The following FSTL1 variants were observed in gnomAD, a reference collection of about 807,000 sequenced individuals.
The protein encoded by FSTL1 is follistatin-related protein 1.
A neutral mutation model predicts 45.9 loss-of-function variants in FSTL1; 24 were observed. The ratio of observed to expected loss-of-function variants is 0.52; its 90% CI spans 0.38 to 0.74. The LOEUF (loss-of-function observed/expected upper bound fraction) is 0.74, where lower values mean the gene tolerates loss of function less well. Ranked by LOEUF, FSTL1 falls within the 30% of genes least tolerant of loss-of-function variation. The pLI is 0.00. For synonymous variants in FSTL1, 120 were observed against 137.6 expected, an observed-to-expected ratio of 0.87 and a Z score of 0.89; for missense variants, 340 against 381.8, an observed-to-expected ratio of 0.89 and a Z score of 0.91.
Position 120,450,721 on chromosome 3 carries a change from G to T in FSTL1, c.26C>A (p.Ala9Glu). 1 of 1,527,662 alleles carries T rather than the reference G, an allele frequency of 6.5e-7. No homozygotes were observed. Among genetic ancestry groups the T allele is most frequent in the South Asian group, 1.2e-5 (1 of 85,720 alleles). 94.6% of individuals were successfully genotyped at this position (1,527,662 alleles called of 1,614,324 possible). A position where few individuals can be genotyped will look rare whatever the true frequency, so the allele number is the denominator to read the frequency against. The change falls in exon 2 of 11, where the codon GCG (alanine) becomes GAG (glutamate). Residue 9 changes from alanine to glutamate, a missense_variant. Transcript: ENST00000295633. ...CCAGGCGACCGCCACCAGCGCGAGC[G>T]CGAGCGCGAGCCAGCGTTTCCACAT... MWKRWLAL[A>E]LALVAVAWVR... is the part of the protein sequence containing the mutation.
At chr3:120,415,869 A>C in intron 3 of FSTL1, 54 bp downstream of exon 3, 1 of 990,336 alleles carries the variant, frequency 1.0e-6, no homozygotes, top group Non-Finnish European at 1.6e-6. Context: ...TGGCTCCGCA[A>C]GGTACCACAT....
intron 2 of FSTL1, among the ~76,000 whole-genome samples, chr3:120,430,883 G>A (rs1286293914): frequency 4.6e-5 from 7 of 152,342 alleles, no homozygotes; most frequent in East Asian, 3.9e-4. Flanking sequence ...TCAAGACAAT[G>A]TGTGGCTATG....
rs772012802 is a variant in FSTL1, at chr3:120,450,764, G to T, written c.1-18C>A. 2 of 1,563,312 alleles carry T rather than the reference G, an allele frequency of 1.3e-6. No homozygotes were observed. The highest frequency in any genetic ancestry group is 2.5e-5 in the East Asian group (1 of 40,392). Reference sequence around the variant, plus strand: ...TTCCACATCTGCGGAAGAGAGAAGAGAGCGAGTCTGAAGGCGCCGGGCCCC... The same window carrying T: ...TTCCACATCTGCGGAAGAGAGAAGATAGCGAGTCTGAAGGCGCCGGGCCCC... On this transcript the variant is annotated intron_variant, in intron 1 of 10. Transcript: ENST00000295633.
At chr3:120,416,156 G>C (rs1937184270) in intron 2 of FSTL1, 129 bp from the exon 3 acceptor site, 1 of 718,568 alleles carries the variant, frequency 1.4e-6, no homozygotes, top group African/African-American at 1.7e-5. Context: ...TAAACAGCTA[G>C]ATGTTGGGTC....
chr3:120,447,059 T>C (rs1469167111), intron 2 of FSTL1, among the ~76,000 whole-genome samples: 1 of 152,188 alleles, frequency 6.6e-6, no homozygotes, highest in African/African-American at 2.4e-5. Flanking sequence ...GCTTGGGTAC[T>C]TGCCAGGGCT....
chr3:120,446,119 G>A (rs1354255392), intron 2 of FSTL1, among the ~76,000 whole-genome samples: 1 of 152,200 alleles, frequency 6.6e-6, no homozygotes, highest in Admixed American at 6.5e-5. Flanking sequence ...CAGATGTCCA[G>A]TTATTTGAAG....
At position 120,417,702 on chromosome 3, in the gene FSTL1, G is replaced by T. The variant is rs535607425; in HGVS notation, c.64-1675C>A. Among the ~76,000 whole-genome samples, 22 of 152,272 alleles carry T rather than the reference G, an allele frequency of 1.4e-4. 1 individual carries two copies. The highest frequency in any genetic ancestry group is 4.6e-4 in the Admixed American group (7 of 15,286). On this transcript the variant is annotated intron_variant, in intron 2 of 10. Coordinates refer to ENST00000295633, the MANE Select transcript of FSTL1 (RefSeq NM_007085.5). ...GCAACACGAAAAAGGAAGAGGAAAA[G>T]GTTTTTGCTGACGAGTTGTTCCCAT...
chr3:120,440,125 A>G (rs1414317565), intron 2 of FSTL1, among the ~76,000 whole-genome samples: 1 of 152,148 alleles, frequency 6.6e-6, no homozygotes, highest in African/African-American at 2.4e-5. Context: ...AAAACAAAAC[A>G]AAACAACTGG....
rs1052786046 is a variant in FSTL1, at chr3:120,432,064, C to T, written c.64-16037G>A. ...AACAATGACAAAAGGGCTAATTAAGCTGTACATATTTGGAGCCTTCTCTTA... is the reference window on the plus strand; with the variant it reads ...AACAATGACAAAAGGGCTAATTAAGTTGTACATATTTGGAGCCTTCTCTTA... On this transcript the variant is annotated intron_variant, in intron 2 of 10. Transcript: ENST00000295633. Among the ~76,000 whole-genome samples the T allele has an allele frequency of 7.9e-5, 12 of 152,290 alleles. No homozygotes were observed. In the South Asian group the frequency reaches 1.7e-3, roughly 21 times the overall value.
chr3:120,394,592 G>A lies in FSTL1; in HGVS notation c.*2360C>T, dbSNP rs1936659317. On this transcript the variant is annotated 3_prime_UTR_variant, in exon 11 of 11. Transcript: ENST00000295633. Reference sequence around the variant, plus strand: ...ACACTGGATCTTAACAGATGCTATAGTGTTTACAAAACTACACACACAGAG... The same window carrying A: ...ACACTGGATCTTAACAGATGCTATAATGTTTACAAAACTACACACACAGAG... The A allele has an allele frequency of 6.6e-6, 1 of 152,202 alleles. No homozygotes were observed. Among genetic ancestry groups the A allele is most frequent in the African/African-American group, 2.4e-5 (1 of 41,452 alleles). The allele number at this position is 152,202 out of a possible 1,614,324, so 9.4% of individuals were successfully genotyped here.
At chr3:120,399,289 C>G (rs1401615769) in intron 10 of FSTL1, among the ~76,000 whole-genome samples, 1 of 152,172 alleles carries the variant, frequency 6.6e-6, no homozygotes, top group Admixed American at 6.5e-5. Context: ...CCAAGGAAGC[C>G]TTTAACTTAA....
At position 120,393,055 on chromosome 3, in the gene FSTL1, T is replaced by C. The variant is rs2107645393; in HGVS notation, c.*3897A>G. On this transcript the variant is annotated 3_prime_UTR_variant, in exon 11 of 11. Coordinates refer to ENST00000295633, the MANE Select transcript of FSTL1 (RefSeq NM_007085.5). ...GTTTTCCCAGAACATGGTGGAAGGT[T>C]GGGAAGTTAGCCAAAATTTAAAAGT... 6.6e-6 allele frequency: 1 copy of C among 152,330 alleles called. No homozygotes were observed. The highest frequency in any genetic ancestry group is 2.1e-4 in the South Asian group (1 of 4,826). 9.4% of individuals were successfully genotyped at this position (152,330 alleles called of 1,614,324 possible). A position where few individuals can be genotyped will look rare whatever the true frequency, so the allele number is the denominator to read the frequency against.
At chr3:120,414,672 T>G (rs1255914721) in intron 3 of FSTL1, among the ~76,000 whole-genome samples, 2 of 151,912 alleles carry the variant, frequency 1.3e-5, no homozygotes, top group Non-Finnish European at 2.9e-5. Context: ...CTTGGGATCC[T>G]GTTGATCTGT....
intron 2 of FSTL1, among the ~76,000 whole-genome samples, chr3:120,424,736 G>A (rs1201054768): frequency 6.6e-6 from 1 of 152,140 alleles, no homozygotes; most frequent in Non-Finnish European, 1.5e-5. Flanking sequence ...AGAGAGGAAG[G>A]AGAGAGTCTG....
At chr3:120,412,645 C>T (rs905943909) in intron 3 of FSTL1, among the ~76,000 whole-genome samples, 2 of 152,102 alleles carry the variant, frequency 1.3e-5, no homozygotes, top group East Asian at 1.9e-4. Flanking sequence ...GCAGAAAGGG[C>T]GTTTTATTAA....
Position 120,444,877 on chromosome 3 carries a change from G to A in FSTL1, c.63+5807C>T, listed in dbSNP as rs142053213. 2.3e-4 allele frequency among the ~76,000 whole-genome samples: 35 copies of A among 149,638 alleles called. 4 individuals are homozygous for A. Among genetic ancestry groups the A allele is most frequent in the East Asian group, 2.3e-3 (12 of 5,178 alleles). ...TTAAATTAAATTATAATCATTTGCC[G>A]GCGCTTCAAAATGTTTTTGTAAATG... On this transcript the variant is annotated intron_variant, in intron 2 of 10. Coordinates refer to ENST00000295633, the MANE Select transcript of FSTL1 (RefSeq NM_007085.5).
At position 120,413,007 on chromosome 3, in the gene FSTL1, A is replaced by G. The variant is rs116299653; in HGVS notation, c.169-1024T>C. Among the ~76,000 whole-genome samples, 778 of 152,278 alleles carry G rather than the reference A, an allele frequency of 5.1e-3. 7 individuals carry two copies. Among genetic ancestry groups the G allele is most frequent in the African/African-American group, 0.018 (742 of 41,558 alleles). On this transcript the variant is annotated intron_variant, in intron 3 of 10. Coordinates refer to ENST00000295633, the MANE Select transcript of FSTL1 (RefSeq NM_007085.5). ...AGGGTTGCCTGGGTCTTTGTGAAGT[A>G]CTACAGAGAATCATTATGGACAGGG...
chr3:120,424,314 C>T (rs1937337503), intron 2 of FSTL1, among the ~76,000 whole-genome samples: 1 of 151,978 alleles, frequency 6.6e-6, no homozygotes, highest in Non-Finnish European at 1.5e-5. Flanking sequence ...AAAATAACAA[C>T]AAAAAACCCA....
At chr3:120,450,502 G>C (rs1419007098) in intron 2 of FSTL1, among the ~76,000 whole-genome samples, 182 bp downstream of exon 2, 2 of 152,082 alleles carry the variant, frequency 1.3e-5, no homozygotes, top group African/African-American at 2.4e-5. Context: ...TACTTTTCCT[G>C]CTTTAAAGAT....
Sources: allele counts gnomAD v4.1 joint callset (sites outside exome capture counted in the v4.1 genomes callset), GRCh38; gene constraint gnomAD v4.1.1; transcripts MANE v1.5; gene names NCBI Gene and HGNC (gene_info 2026-07-23, HGNC 2026-07-21).